E2F7: variants seen among roughly 807,000 people sequenced by gnomAD.
The protein encoded by E2F7 is E2F transcription factor 7.
Under a neutral mutation model 81.1 loss-of-function variants are expected in E2F7, and 35 were observed. The ratio of observed to expected loss-of-function variants is 0.43; its 90% CI spans 0.33 to 0.57. The LOEUF (loss-of-function observed/expected upper bound fraction) is 0.57. Among genes scored for constraint, E2F7 ranks in the 20% least tolerant of loss-of-function variants. The probability of loss-of-function intolerance (pLI) is 0.04; values close to 1 mark genes in which losing one functional copy is unlikely to be tolerated. For missense variants in E2F7, 961 were observed against 1,093.7 expected, an observed-to-expected ratio of 0.88 and a Z score of 1.71; for synonymous variants, 416 against 416.2, an observed-to-expected ratio of 1.00 and a Z score of 0.01.
chr12:77,044,306 G>A (rs2120695870), intron 6 of E2F7: 1 of 476,902 alleles, frequency 2.1e-6, no homozygotes. Flanking sequence ...GAAAAAAGGG[G>A]AAAGAAAACT....
chr12:77,043,447 G>C (rs1359406767), intron 6 of E2F7, among the ~76,000 whole-genome samples: 2 of 151,984 alleles, frequency 1.3e-5, no homozygotes, highest in African/African-American at 4.8e-5. Context: ...AGAGGCACCT[G>C]GCGACAAACA....
intron 2 of E2F7, among the ~76,000 whole-genome samples, chr12:77,062,899 A>AC (rs112481904): frequency 0.14 from 21,974 of 151,746 alleles, 1,775 homozygotes; most frequent in South Asian, 0.26. Context: ...AAAAAAAAAA[A>AC]AAAAGGCCAC....
chr12:77,058,323 G>A (rs1284587365), intron 2 of E2F7, among the ~76,000 whole-genome samples: 3 of 152,170 alleles, frequency 2.0e-5, no homozygotes, highest in East Asian at 3.8e-4. Context: ...TTGTATAGAT[G>A]AAGAAACTGA....
At position 77,025,593 on chromosome 12, in the gene E2F7, C is replaced by G. The variant is rs138091106; in HGVS notation, c.2530G>C (p.Val844Leu). The change falls in exon 12 of 13, where the codon GTG (valine) becomes CTG (leucine). Residue 844 changes from valine to leucine, a missense_variant. By Grantham distance (32) the Val-to-Leu change is conservative. Transcript: ENST00000322886. ...VVQQPESPVY[V>L]GHPVSVVKLH... ...TTTACTACTGAGACTGGATGTCCCA[C>G]GTAAACGGGGGACTCAGGTTGTTGG... is the stretch of plus-strand genomic sequence containing the variant. 25 of 1,614,202 alleles carry G rather than the reference C, an allele frequency of 1.5e-5. 1 individual carries two copies. The South Asian group carries it at 2.6e-4, about 17-fold the overall frequency.
Position 77,055,894 on chromosome 12 carries a change from G to C in E2F7, c.330C>G (p.Pro110=), listed in dbSNP as rs767816164. The change falls in exon 3 of 13, where the codon CCC becomes CCG. Residue 110 remains proline, a synonymous_variant. Coordinates refer to ENST00000322886, the MANE Select transcript of E2F7 (RefSeq NM_203394.3). The part of the protein sequence containing the change: ...DREKKKGLFR[P]IENKDDAFTD... Reference sequence around the variant, plus strand: ...TAAATGCATCGTCCTTGTTTTCAATGGGTCGGAATAGTCCCTTTTTCTTCT... The same window carrying C: ...TAAATGCATCGTCCTTGTTTTCAATCGGTCGGAATAGTCCCTTTTTCTTCT... 3 of 1,613,012 alleles carry C rather than the reference G, an allele frequency of 1.9e-6. No homozygotes were observed. Among genetic ancestry groups the C allele is most frequent in the Admixed American group, 1.7e-5 (1 of 59,804 alleles).
intron 7 of E2F7, 150 bp from the exon 8 acceptor site, chr12:77,034,192 C>T (rs543449537): frequency 2.5e-4 from 159 of 625,490 alleles, no homozygotes; most frequent in Non-Finnish European, 3.5e-4. Context: ...ATTTTATGAG[C>T]CTTGTCTCAA....
chr12:77,034,995 C>T (rs756512433), intron 7 of E2F7, among the ~76,000 whole-genome samples: 10 of 152,188 alleles, frequency 6.6e-5, no homozygotes, highest in Non-Finnish European at 1.3e-4. Flanking sequence ...GCCATATCTG[C>T]CTCCTTCTTG....
Position 77,044,699 on chromosome 12 carries a change from T to A in E2F7, c.926A>T (p.Asp309Val). The change falls in exon 6 of 13, where the codon GAT becomes GTT. Residue 309 changes from aspartate to valine, a missense_variant. Asp to Val is a radical substitution (Grantham distance 152). Coordinates refer to ENST00000322886, the MANE Select transcript of E2F7 (RefSeq NM_203394.3). Reference protein sequence around the residue: ...LVSKTKIVTLDVAAKILIEES... With the variant: ...LVSKTKIVTLVVAAKILIEES... ...TTCTATCAGTATTTTGGCAGCCACA[T>A]CCAGAGTGACAATCTTGGTTTTGGA... is the stretch of plus-strand genomic sequence containing the variant. 6.2e-7 allele frequency: 1 copy of A among 1,614,160 alleles called. No homozygotes were observed. Among genetic ancestry groups the A allele is most frequent in the Non-Finnish European group, 8.5e-7 (1 of 1,180,016 alleles).
chr12:77,056,169 G>A (rs747118825), intron 2 of E2F7, 39 bp from the exon 3 acceptor site: 2 of 1,541,612 alleles, frequency 1.3e-6, no homozygotes, highest in South Asian at 1.3e-5. Flanking sequence ...AATGAGAAAG[G>A]GCAGGTATCA....
intron 7 of E2F7, among the ~76,000 whole-genome samples, chr12:77,037,473 TA>T (rs1954861657): frequency 6.6e-6 from 1 of 152,160 alleles, no homozygotes; most frequent in Non-Finnish European, 1.5e-5. Flanking sequence ...ATGGGGTTTG[TA>T]ACATATATAG....
chr12:77,025,633 C>A lies in E2F7; in HGVS notation c.2490G>T (p.Arg830Ser). 6.2e-7 allele frequency: 1 copy of A among 1,614,174 alleles called. No individual in the cohort carries two copies. The highest frequency in any genetic ancestry group is 8.5e-7 in the Non-Finnish European group (1 of 1,180,040). Residue 830 changes from arginine to serine, a missense_variant, in exon 12 of 13, where the codon AGG becomes AGT. Arg to Ser is a moderately radical substitution (Grantham distance 110). Transcript: ENST00000322886. The part of the protein sequence containing the change: ...PSLNLSPVMS[R>S]SHSVVQQPES... ...CAGGTTGTTGGACGACACTGTGTGA[C>A]CTTGACATCACTGGACTTAGGTTTA...
At chr12:77,055,716 A>G in intron 3 of E2F7, 139 bp downstream of exon 3, 1 of 902,950 alleles carries the variant, frequency 1.1e-6, no homozygotes, top group South Asian at 2.3e-5. Context: ...TGAGAATTCT[A>G]CTACAAATCA....
rs1954907293 is a variant in E2F7, at chr12:77,043,064, C to T, written c.1123+1G>A. On this transcript the variant is annotated splice_donor_variant, in intron 7 of 12. Transcript: ENST00000322886. LOFTEE classifies it high-confidence loss of function. Reference sequence around the variant, plus strand: ...CTGCTAGCAAAACCACGCCACCTTACCACTTGAGCTGAAGTCCACAGGCCC... The same window carrying T: ...CTGCTAGCAAAACCACGCCACCTTATCACTTGAGCTGAAGTCCACAGGCCC... The T allele has an allele frequency of 6.2e-7, 1 of 1,613,930 alleles. No homozygotes were observed. Among genetic ancestry groups the T allele is most frequent in the Non-Finnish European group, 8.5e-7 (1 of 1,179,942 alleles).
intron 7 of E2F7, among the ~76,000 whole-genome samples, chr12:77,036,543 T>A (rs1474329241): frequency 7.0e-6 from 1 of 143,864 alleles, no homozygotes; most frequent in Non-Finnish European, 1.5e-5. Context: ...CCAAAAAAAA[T>A]AAAATAAATT....
chr12:77,048,836 C>G (rs1325159990), intron 4 of E2F7, among the ~76,000 whole-genome samples: 4 of 152,182 alleles, frequency 2.6e-5, no homozygotes, highest in Non-Finnish European at 4.4e-5. Flanking sequence ...TCTGTCCTCC[C>G]TGGGATGTAA....
chr12:77,050,457 G>C (rs1415494255), intron 4 of E2F7, 119 bp downstream of exon 4: 1 of 991,904 alleles, frequency 1.0e-6, no homozygotes, highest in Non-Finnish European at 1.5e-6. Flanking sequence ...AGCTCTGCCT[G>C]TTCCTCTGTC....
rs1032986415 is a variant in E2F7, at chr12:77,025,766, G to A, written c.2357C>T (p.Pro786Leu). The change falls in exon 12 of 13, where the codon CCT (proline) becomes CTT (leucine). Residue 786 changes from proline to leucine, a missense_variant. By Grantham distance (98) the Pro-to-Leu change is moderately conservative (BLOSUM62 -3). Around this residue, in one of 3 missense-constraint regions of E2F7, gnomAD observed 587 missense variants for 620.3 expected, o/e 0.95. Coordinates refer to ENST00000322886, the MANE Select transcript of E2F7 (RefSeq NM_203394.3). ...PNTGPVNFSLPGLGSIAQLLV... is the reference protein window; with the variant it reads ...PNTGPVNFSLLGLGSIAQLLV... ...AAGCTGGGCTATTGATCCAAGGCCA[G>A]GCAAGCTGAAATTCACAGGTCCTGT... 1.2e-6 allele frequency: 2 copies of A among 1,614,018 alleles called. No homozygotes were observed. Among genetic ancestry groups the A allele is most frequent in the African/African-American group, 2.7e-5 (2 of 74,902 alleles).
intron 4 of E2F7, among the ~76,000 whole-genome samples, chr12:77,049,561 C>G (rs905516658): frequency 1.3e-5 from 2 of 152,152 alleles, no homozygotes; most frequent in African/African-American, 4.8e-5. Context: ...TTTTAAAGCT[C>G]TTACAGCCTG....
intron 3 of E2F7, 29 bp from the exon 4 acceptor site, chr12:77,050,773 A>G: frequency 6.2e-7 from 1 of 1,604,576 alleles, no homozygotes; most frequent in Admixed American, 1.7e-5. Context: ...AGGGAGGGGG[A>G]AGATGTCACA....
Sources: allele counts gnomAD v4.1 joint callset (sites outside exome capture counted in the v4.1 genomes callset), GRCh38; gene constraint gnomAD v4.1.1; regional missense constraint gnomAD v4.1.1; transcripts MANE v1.5; gene names NCBI Gene and HGNC (gene_info 2026-07-23, HGNC 2026-07-21).